Variants in CEP85 observed in about 807,000 individuals in gnomAD.
CEP85 encodes the protein centrosomal protein of 85 kDa.
Under a neutral mutation model 93.7 loss-of-function variants are expected in CEP85, and 58 were observed. The ratio of observed to expected loss-of-function variants is 0.62; its 90% confidence interval spans 0.50 to 0.77. The LOEUF (loss-of-function observed/expected upper bound fraction) is 0.77, where lower values mean the gene tolerates loss of function less well. CEP85 is among the 30% of genes least tolerant of loss of function. The pLI is 0.00. For missense variants in CEP85, 868 were observed against 922.0 expected, an observed-to-expected ratio of 0.94 and a Z score of 0.76; for synonymous variants, 314 against 338.6, an observed-to-expected ratio of 0.93 and a Z score of 0.80.
intron 3 of CEP85, among the ~76,000 whole-genome samples, chr1:26,246,068 T>C (rs935715057): frequency 6.6e-6 from 1 of 152,176 alleles, no homozygotes; most frequent in African/African-American, 2.4e-5. Context: ...CATATGTATT[T>C]CCCTTCTGTG....
chr1:26,244,382 A>C, intron 3 of CEP85, 64 bp downstream of exon 3: 1 of 1,433,424 alleles, frequency 7.0e-7, no homozygotes, highest in Non-Finnish European at 9.8e-7. Flanking sequence ...CATTTTGGGT[A>C]TATTGGCATT....
chr1:26,266,303 C>T (rs185920049), intron 7 of CEP85, among the ~76,000 whole-genome samples: 1 of 152,282 alleles, frequency 6.6e-6, no homozygotes, highest in Admixed American at 6.5e-5. Context: ...GGGAGCATCA[C>T]TTGAGCCCAG....
intron 3 of CEP85, among the ~76,000 whole-genome samples, chr1:26,252,496 C>T (rs773895239): frequency 6.6e-6 from 1 of 152,218 alleles, no homozygotes; most frequent in African/African-American, 2.4e-5. Flanking sequence ...CGCGCCATTG[C>T]ACTCCAGCCT....
In CEP85 at chr1:26,256,404, G is replaced by A. The variant is rs536367879; in HGVS notation, c.903+539G>A. Among the ~76,000 whole-genome samples, 8 of 151,964 alleles carry A rather than the reference G, an allele frequency of 5.3e-5. No individual in the cohort carries two copies. In the East Asian group the frequency reaches 5.9e-4, roughly 11 times the overall value. ...AAATTAGCCAGGTGTGGTGGCATGC[G>A]CCTGTAGTCCCAACTACTCAGGAGG... On this transcript the variant is annotated intron_variant, in intron 4 of 13. Transcript: ENST00000451429.
intron 7 of CEP85, among the ~76,000 whole-genome samples, chr1:26,267,581 T>G (rs979317521): frequency 1.3e-5 from 2 of 152,106 alleles, no homozygotes; most frequent in African/African-American, 4.8e-5. Flanking sequence ...GGGGGTGGGA[T>G]ACAATTCAGG....
intron 4 of CEP85, 52 bp downstream of exon 4, chr1:26,255,917 T>C: frequency 7.0e-7 from 1 of 1,421,764 alleles, no homozygotes; most frequent in Non-Finnish European, 9.5e-7. Context: ...GTTCTTAGAA[T>C]TGTAATAGCT....
In CEP85 at chr1:26,241,539, C is replaced by T. The variant is rs1359661521; in HGVS notation, c.55+1701C>T. 5.3e-5 allele frequency among the ~76,000 whole-genome samples: 8 copies of T among 152,112 alleles called. No individual in the cohort carries two copies. The South Asian group carries it at 1.2e-3, about 24-fold the overall frequency. On this transcript the variant is annotated intron_variant, in intron 2 of 13. Coordinates refer to ENST00000451429, the MANE Select transcript of CEP85 (RefSeq NM_001319944.2). ...GATTACAGGCGTGAGCCACTGCACCCGGCCTCAGGAAATATTTTTTAAACA... is the reference window on the plus strand; with the variant it reads ...GATTACAGGCGTGAGCCACTGCACCTGGCCTCAGGAAATATTTTTTAAACA...
intron 2 of CEP85, among the ~76,000 whole-genome samples, chr1:26,241,244 A>ATTTTTTTTTTTTTTTTTT (rs71004567): frequency 2.7e-5 from 3 of 109,286 alleles, no homozygotes; most frequent in Non-Finnish European, 5.4e-5. Context: ...ATTCAGCAGA[A>ATTTTTTTTTTTTTTTTTT]TTTTTTTTTT....
rs549405962 is a variant in CEP85, at chr1:26,272,724, G to A, written c.1794+653G>A. ...GCTCACTGTAACCTCTGCCTCCCAG[G>A]TTCAAGCAATTCTCCTGCCTCAGCC... On this transcript the variant is annotated intron_variant, in intron 11 of 13. Transcript: ENST00000451429. 6.1e-5 allele frequency among the ~76,000 whole-genome samples: 9 copies of A among 146,752 alleles called. No homozygotes were observed. In the South Asian group the frequency reaches 1.8e-3, roughly 29 times the overall value.
chr1:26,261,720 C>CTCCT (rs1553160489), intron 7 of CEP85, among the ~76,000 whole-genome samples: 3 of 149,180 alleles, frequency 2.0e-5, no homozygotes, highest in Non-Finnish European at 4.4e-5. Flanking sequence ...CATAGTGAGA[C>CTCCT]TCTCTTAAAA....
At chr1:26,234,472 C>T (rs1015082001) in intron 1 of CEP85, among the ~76,000 whole-genome samples, 162 bp downstream of exon 1, 4 of 152,208 alleles carry the variant, frequency 2.6e-5, no homozygotes, top group East Asian at 1.9e-4. Flanking sequence ...CGGCATACGC[C>T]CTCTCGCGTC....
intron 3 of CEP85, among the ~76,000 whole-genome samples, chr1:26,250,156 G>A (rs572796019): frequency 4.1e-5 from 6 of 147,948 alleles, no homozygotes; most frequent in African/African-American, 1.3e-4. Context: ...CCAGACTTAC[G>A]GTGTAACTCA....
In CEP85 at chr1:26,271,121, TC is replaced by T; in HGVS notation, c.1743+16del. On this transcript the variant is annotated intron_variant, in intron 10 of 13. Transcript: ENST00000451429. ...TCGCTCCAAAAGGTGACTGAGGGTG[TC>T]CAGGCTGTAACGGAGGGTAGGCTGG... The T allele has an allele frequency of 1.3e-6, 2 of 1,545,002 alleles. No homozygotes were observed. Among genetic ancestry groups the T allele is most frequent in the South Asian group, 1.1e-5 (1 of 89,726 alleles).
At chr1:26,239,877 T>C (rs749501961) in intron 2 of CEP85, 39 bp downstream of exon 2, 1 of 1,477,682 alleles carries the variant, frequency 6.8e-7, no homozygotes, top group South Asian at 1.1e-5. Flanking sequence ...ATTCTGACCT[T>C]TGTTCTGTTT....
Position 26,258,191 on chromosome 1 carries a change from A to G in CEP85, c.1086A>G (p.Glu362=). Residue 362 remains glutamate (E), a synonymous_variant, in exon 6 of 14, where the codon GAA becomes GAG. Transcript: ENST00000451429. The stretch of plus-strand genomic sequence containing the variant: ...TGGAGCAGAAAGTGCGAGAGAGCGA[A>G]CTGCAAGTCCACAGTGCCCTCTTGG... ...SQLEQKVRES[E]LQVHSALLGR... The G allele has an allele frequency of 6.2e-7, 1 of 1,614,190 alleles. No individual in the cohort carries two copies. The highest frequency in any genetic ancestry group is 8.5e-7 in the Non-Finnish European group (1 of 1,180,034).
At chr1:26,262,970 CAGGTGATT>C (rs2089835471) in intron 7 of CEP85, 2 of 153,218 alleles carry the variant, frequency 1.3e-5, no homozygotes, top group Non-Finnish European at 2.9e-5. Flanking sequence ...CTCCTGGCCT[CAGGTGATT>C]CACCCACCTT....
intron 3 of CEP85, among the ~76,000 whole-genome samples, chr1:26,246,026 G>A (rs1394538505): frequency 6.6e-6 from 1 of 151,988 alleles, no homozygotes; most frequent in African/African-American, 2.4e-5. Context: ...GGTTGCGTGT[G>A]TGACTCCGTT....
intron 7 of CEP85, among the ~76,000 whole-genome samples, chr1:26,261,331 G>T (rs1451597585): frequency 6.6e-6 from 1 of 151,764 alleles, no homozygotes; most frequent in African/African-American, 2.4e-5. Context: ...AATTAGCTGG[G>T]CGTGGTGGCA....
chr1:26,241,575 G>A (rs981059983), intron 2 of CEP85, among the ~76,000 whole-genome samples: 1 of 151,678 alleles, frequency 6.6e-6, no homozygotes, highest in African/African-American at 2.4e-5. Flanking sequence ...TCTGCTATGT[G>A]CTGCACATTC....
Sources: gnomAD v4.1 joint callset for allele counts (sites outside exome capture counted in the v4.1 genomes callset) on GRCh38, gnomAD v4.1.1 for gene constraint, MANE v1.5 for transcripts, NCBI Gene and HGNC (gene_info 2026-07-23, HGNC 2026-07-21) for gene names.